DDX21: variants seen among roughly 807,000 people sequenced by gnomAD.
DDX21 encodes the protein DExD-box helicase 21.
A neutral mutation model predicts 90.0 loss-of-function variants in DDX21; 18 were observed. That is an observed-to-expected ratio of 0.20 (90% confidence interval 0.14 to 0.30). The LOEUF (loss-of-function observed/expected upper bound fraction) is 0.30, where lower values mean the gene tolerates loss of function less well. Among genes scored for constraint, DDX21 ranks in the 10% least tolerant of loss-of-function variants. The pLI is 1.00. For synonymous variants in DDX21, 294 were observed against 318.0 expected (o/e 0.92, Z 0.80); for missense variants, 673 against 944.5 (o/e 0.71, Z 3.77).
At chr10:68,969,197 A>G (rs910972866) in intron 7 of DDX21, 76 bp downstream of exon 7, 4 of 1,379,348 alleles carry the variant, frequency 2.9e-6, no homozygotes, top group Non-Finnish European at 3.0e-6. Context: ...AAGACTGGCA[A>G]ATGCTCTTTT....
At position 68,973,790 on chromosome 10, in the gene DDX21, G is replaced by C. The variant is rs1247662216; in HGVS notation, c.1668+126G>C. 2.4e-6 allele frequency: 3 copies of C among 1,269,786 alleles called. No individual in the cohort carries two copies. In the East Asian group the frequency reaches 7.7e-5, roughly 32 times the overall value. 78.7% of individuals were successfully genotyped at this position (1,269,786 alleles called of 1,614,324 possible). On this transcript the variant is annotated intron_variant, in intron 10 of 14. Coordinates refer to ENST00000354185, the MANE Select transcript of DDX21 (RefSeq NM_004728.4). ...GTGTGGCAATGACTGAAAGCTTATT[G>C]TTAGGTACATATGTTGTCCTGTGAT...
intron 4 of DDX21, among the ~76,000 whole-genome samples, chr10:68,965,075 C>T (rs1345253218): frequency 1.3e-5 from 2 of 152,102 alleles, no homozygotes; most frequent in Non-Finnish European, 2.9e-5. Context: ...GAGGTTAAGA[C>T]TATAGGTTTT....
intron 7 of DDX21, among the ~76,000 whole-genome samples, chr10:68,969,616 C>G (rs186949954): frequency 3.1e-4 from 47 of 152,296 alleles, no homozygotes; most frequent in African/African-American, 1.1e-3. Context: ...TCTATGGCCT[C>G]ATTTCATTTC....
At chr10:68,961,492 T>C (rs558737272) in intron 2 of DDX21, among the ~76,000 whole-genome samples, 1 of 152,226 alleles carries the variant, frequency 6.6e-6, no homozygotes, top group Non-Finnish European at 1.5e-5. Context: ...CTATTATTTT[T>C]AATCAGATTA....
At chr10:68,980,625 G>A (rs921895329) in intron 13 of DDX21, among the ~76,000 whole-genome samples, 1 of 152,070 alleles carries the variant, frequency 6.6e-6, no homozygotes, top group African/African-American at 2.4e-5. Flanking sequence ...AAGACAGCAG[G>A]GAGAGGAGTG....
At chr10:68,962,193 G>A (rs375423377) in intron 3 of DDX21, 36 bp downstream of exon 3, 140 of 1,474,962 alleles carry the variant, frequency 9.5e-5, no homozygotes, top group Admixed American at 3.4e-4. Flanking sequence ...ATGTTAGAAC[G>A]TATTATTTTA....
At position 68,960,259 on chromosome 10, in the gene DDX21, C is replaced by A; in HGVS notation, c.531+10C>A. On this transcript the variant is annotated intron_variant, in intron 2 of 14. Transcript: ENST00000354185. The stretch of plus-strand genomic sequence containing the variant: ...CAGTGAGATAGAGCAGGTACATTTG[C>A]ACTTCATTGGGTAGAAGATATCTTT... The A allele has an allele frequency of 6.3e-7, 1 of 1,585,432 alleles. No individual in the cohort carries two copies. Among genetic ancestry groups the A allele is most frequent in the Non-Finnish European group, 8.5e-7 (1 of 1,170,794 alleles).
In DDX21 at chr10:68,961,746, T is replaced by C. The variant is rs116441742; in HGVS notation, c.532-336T>C. On this transcript the variant is annotated intron_variant, in intron 2 of 14. Coordinates refer to ENST00000354185, the MANE Select transcript of DDX21 (RefSeq NM_004728.4). ...CTGCTTTGGAAGAGGGCTAATGACA[T>C]TTCCATCAGTATATTGTTGATTATG... Among the ~76,000 whole-genome samples, 749 of 152,294 alleles carry C rather than the reference T, an allele frequency of 4.9e-3. 7 individuals carry two copies. Among genetic ancestry groups the C allele is most frequent in the African/African-American group, 0.017 (719 of 41,576 alleles).
chr10:68,974,570 T>C, intron 10 of DDX21, 100 bp from the exon 11 acceptor site: 1 of 859,124 alleles, frequency 1.2e-6, no homozygotes, highest in Admixed American at 2.3e-5. Context: ...TTTAATGTAA[T>C]ACATACATTT....
At chr10:68,971,843 CT>C (rs1389765280) in intron 8 of DDX21, 47 bp from the exon 9 acceptor site, 1 of 1,581,546 alleles carries the variant, frequency 6.3e-7, no homozygotes, top group South Asian at 1.1e-5. Flanking sequence ...AGAAAAAGTA[CT>C]TGTATTGTTG....
At chr10:68,980,293 G>C (rs1843167594) in intron 13 of DDX21, among the ~76,000 whole-genome samples, 1 of 152,034 alleles carries the variant, frequency 6.6e-6, no homozygotes, top group Non-Finnish European at 1.5e-5. Context: ...TAGCTTTTAT[G>C]ACTTTGCTTA....
Position 68,982,801 on chromosome 10 carries a change from T to C in DDX21, c.2341T>C (p.Phe781Leu). The C allele has an allele frequency of 6.2e-7, 1 of 1,613,950 alleles. No homozygotes were observed. Among genetic ancestry groups the C allele is most frequent in the South Asian group, 1.1e-5 (1 of 91,060 alleles). The change falls in exon 15 of 15, where the codon TTT becomes CTT. Residue 781 changes from phenylalanine (F) to leucine (L), a missense_variant. By Grantham distance (22) the Phe-to-Leu change is conservative (BLOSUM62 0). Coordinates refer to ENST00000354185, the MANE Select transcript of DDX21 (RefSeq NM_004728.4). ...KGQKRSFSKAFGQ is the reference protein window; with the variant it reads ...KGQKRSFSKALGQ The stretch of plus-strand genomic sequence containing the variant: ...CCAGAAGCGGAGTTTCAGTAAAGCA[T>C]TTGGTCAATAATTAGAAATAGAAGA...
intron 2 of DDX21, among the ~76,000 whole-genome samples, chr10:68,960,547 T>C (rs1282351769): frequency 2.6e-5 from 4 of 152,104 alleles, no homozygotes; most frequent in Non-Finnish European, 5.9e-5. Flanking sequence ...CTGCAACCTC[T>C]GCCTCCTGGG....
At chr10:68,977,799 A>G in intron 12 of DDX21, 111 bp downstream of exon 12, 1 of 1,216,598 alleles carries the variant, frequency 8.2e-7, no homozygotes, top group Non-Finnish European at 1.1e-6. Flanking sequence ...GAAGTTAGTA[A>G]AGTATTAATT....
rs1332049187 is a variant in DDX21 at position 68,960,240 on chromosome 10, G to A, written c.522G>A (p.Glu174=). ...SEAASEESNS[E]IEQEIPVEQK... ...CTGCCAGTGAAGAAAGTAACAGTGAGATAGAGCAGGTACATTTGCACTTCA... is the reference window on the plus strand; with the variant it reads ...CTGCCAGTGAAGAAAGTAACAGTGAAATAGAGCAGGTACATTTGCACTTCA... The change falls in exon 2 of 15, where the codon GAG becomes GAA. Residue 174 remains glutamate (E), a synonymous_variant. Coordinates refer to ENST00000354185, the MANE Select transcript of DDX21 (RefSeq NM_004728.4). 5 of 1,597,788 alleles carry A rather than the reference G, an allele frequency of 3.1e-6. No individual in the cohort carries two copies. In the Admixed American group the frequency reaches 5.5e-5, roughly 18 times the overall value.
intron 1 of DDX21, among the ~76,000 whole-genome samples, chr10:68,959,281 C>T (rs1842841106): frequency 6.6e-6 from 1 of 151,988 alleles, no homozygotes; most frequent in African/African-American, 2.4e-5. Flanking sequence ...GTTGCCTGAG[C>T]TCAGGAGTTT....
intron 8 of DDX21, 98 bp downstream of exon 8, chr10:68,970,448 T>TGAAA: frequency 8.3e-7 from 1 of 1,210,534 alleles, no homozygotes; most frequent in Non-Finnish European, 1.1e-6. Flanking sequence ...ATTCAGTGAA[T>TGAAA]ACCAGTTTAG....
chr10:68,960,102 T>A lies in DDX21; in HGVS notation c.384T>A (p.Pro128=). ...CTTCTGAGGAAGAAATAGATGCTCC[T>A]AAGCCCAAGAAGATGAAGAAAGAAA... ...EEPSEEEIDA[P]KPKKMKKEKE... The change falls in exon 2 of 15, where the codon CCT becomes CCA. Residue 128 remains proline (P), a synonymous_variant. Transcript: ENST00000354185. 6.2e-7 allele frequency: 1 copy of A among 1,613,976 alleles called. No homozygotes were observed. The highest frequency in any genetic ancestry group is 8.5e-7 in the Non-Finnish European group (1 of 1,180,000).
chr10:68,965,317 G>C, intron 4 of DDX21, 60 bp from the exon 5 acceptor site: 1 of 1,332,504 alleles, frequency 7.5e-7, no homozygotes, highest in South Asian at 1.2e-5. Flanking sequence ...GTTCTTTAAG[G>C]ACTAGATTAA....
Sources: gnomAD v4.1 joint callset for allele counts (sites outside exome capture counted in the v4.1 genomes callset) on GRCh38, gnomAD v4.1.1 for gene constraint, MANE v1.5 for transcripts, NCBI Gene and HGNC (gene_info 2026-07-23, HGNC 2026-07-21) for gene names.